YRDC: variants seen among roughly 807,000 people sequenced by gnomAD.
YRDC encodes yrdC N6-threonylcarbamoyltransferase domain containing.
A neutral mutation model predicts 21.5 loss-of-function variants in YRDC; 17 were observed. The ratio of observed to expected loss-of-function variants is 0.79; its 90% CI spans 0.54 to 1.19. The LOEUF is 1.19. Ranked by LOEUF, YRDC falls within the 50% of genes most tolerant of loss-of-function variation. YRDC has a pLI of 0.00. For missense variants in YRDC, 380 were observed against 397.1 expected (o/e 0.96, Z 0.37); for synonymous variants, 193 against 176.7 (o/e 1.09, Z -0.73).
chr1:37,803,846 A>T lies in YRDC; in HGVS notation c.*79T>A. On this transcript the variant is annotated 3_prime_UTR_variant, in exon 5 of 5. Transcript: ENST00000373044. Reference sequence around the variant, plus strand: ...TGCCCTAGCTCCGGTGGCCTCTGCAAATGAGGCCTTGACAGTCGTCAGTGG... The same window carrying T: ...TGCCCTAGCTCCGGTGGCCTCTGCATATGAGGCCTTGACAGTCGTCAGTGG... The T allele has an allele frequency of 6.5e-7, 1 of 1,527,732 alleles. No homozygotes were observed. Among genetic ancestry groups the T allele is most frequent in the Non-Finnish European group, 9.0e-7 (1 of 1,107,714 alleles). 94.6% of individuals were successfully genotyped at this position (1,527,732 alleles called of 1,614,324 possible).
intron 4 of YRDC, 127 bp from the exon 5 acceptor site, chr1:37,804,124 C>G (rs983231593): frequency 7.0e-7 from 1 of 1,419,376 alleles, no homozygotes; most frequent in African/African-American, 1.4e-5. Context: ...CTTGATGAAA[C>G]CTTTTGAATC....
At position 37,806,801 on chromosome 1, in the gene YRDC, C is replaced by T. The variant is rs112626581; in HGVS notation, c.624+56G>A. ...GTGTACTATCAATGCCACTGATTCA[C>T]AGAAAACAGTATGTGCGCTGGTGAC... On this transcript the variant is annotated intron_variant, in intron 3 of 4. Transcript: ENST00000373044. 260 of 1,611,102 alleles carry T rather than the reference C, an allele frequency of 1.6e-4. 1 individual carries two copies. The African/African-American group carries it at 3.0e-3, about 19-fold the overall frequency.
chr1:37,807,915 G>T lies in YRDC; in HGVS notation c.266C>A (p.Thr89Lys), dbSNP rs1215012267. Reference sequence around the variant, plus strand: ...CGCCGCGCAGGCCAGGCCGTACAGCGTATCGGTGGGGACGGCCACCACGGC... The same window carrying T: ...CGCCGCGCAGGCCAGGCCGTACAGCTTATCGGTGGGGACGGCCACCACGGC... ...AGAVVAVPTD[T>K]LYGLACAASC... is the part of the protein sequence containing the mutation. Residue 89 changes from threonine to lysine, a missense_variant, in exon 1 of 5, where the codon ACG becomes AAG. By Grantham distance (78) the Thr-to-Lys change is moderately conservative. This residue lies in a region of YRDC where 51 missense variants were observed against 95.9 expected (regional missense o/e 0.53). Coordinates refer to ENST00000373044, the MANE Select transcript of YRDC (RefSeq NM_024640.4). 7.7e-7 allele frequency: 1 copy of T among 1,301,228 alleles called. No homozygotes were observed. Among genetic ancestry groups the T allele is most frequent in the African/African-American group, 1.5e-5 (1 of 65,538 alleles). The allele number at this position is 1,301,228 out of a possible 1,614,324, so 80.6% of individuals were successfully genotyped here.
rs1557577926 is a variant in YRDC at position 37,804,422 on chromosome 1, T to C, written c.647A>G (p.Gln216Arg). The change falls in exon 4 of 5, where the codon CAG (glutamine) becomes CGG (arginine). Residue 216 changes from glutamine (Q) to arginine (R), a missense_variant. Coordinates refer to ENST00000373044, the MANE Select transcript of YRDC (RefSeq NM_024640.4). ...NVEEFQDLWP[Q>R]LSLVIDGGQI... ...TCCCCCATCAATAACCAAGGACAACTGAGGCCAGAGATCCTGGAACTCCTG... is the reference window on the plus strand; with the variant it reads ...TCCCCCATCAATAACCAAGGACAACCGAGGCCAGAGATCCTGGAACTCCTG... 6.2e-6 allele frequency: 10 copies of C among 1,613,442 alleles called. No individual in the cohort carries two copies. In the East Asian group the frequency reaches 1.3e-4, roughly 22 times the overall value.
chr1:37,804,240 C>T (rs1646720720), intron 4 of YRDC, 62 bp downstream of exon 4: 3 of 1,572,992 alleles, frequency 1.9e-6, no homozygotes, highest in Non-Finnish European at 2.6e-6. Context: ...CTTGTCAAAG[C>T]TTTTTTGCAT....
rs1411642799 is a variant in YRDC, at chr1:37,803,214, T to C, written c.*711A>G. The C allele has an allele frequency of 6.6e-6, 1 of 152,158 alleles. No individual in the cohort carries two copies. The highest frequency in any genetic ancestry group is 1.9e-4 in the East Asian group (1 of 5,202). 9.4% of individuals were successfully genotyped at this position (152,158 alleles called of 1,614,324 possible). The stretch of plus-strand genomic sequence containing the variant: ...TGAACCCCTGCCAACTAAGCAGACA[T>C]CCCACTATTACACCAAAAAGACTGC... On this transcript the variant is annotated 3_prime_UTR_variant, in exon 5 of 5. Coordinates refer to ENST00000373044, the MANE Select transcript of YRDC (RefSeq NM_024640.4).
intron 1 of YRDC, 111 bp from the exon 2 acceptor site, chr1:37,807,326 C>A: frequency 9.8e-7 from 1 of 1,019,228 alleles, no homozygotes; most frequent in South Asian, 1.4e-5. Context: ...CAATGGGAGC[C>A]GCCTGTCTCC....
chr1:37,807,885 C>T lies in YRDC; in HGVS notation c.296G>A (p.Cys99Tyr), dbSNP rs964436323. The stretch of plus-strand genomic sequence containing the variant: ...GTACACAGCGCGCAGAGCCGCCGAG[C>T]AGCTCGCCGCGCAGGCCAGGCCGTA... ...TLYGLACAAS[C>Y]SAALRAVYRL... The change falls in exon 1 of 5, where the codon TGC becomes TAC. Residue 99 changes from cysteine to tyrosine, a missense_variant. Physicochemically the swap from Cys to Tyr is radical, Grantham distance 194 (BLOSUM62 -2). Transcript: ENST00000373044. 6.9e-7 allele frequency: 1 copy of T among 1,455,204 alleles called. No individual in the cohort carries two copies. The highest frequency in any genetic ancestry group is 9.1e-7 in the Non-Finnish European group (1 of 1,101,650). The allele number at this position is 1,455,204 out of a possible 1,614,324, so 90.1% of individuals were successfully genotyped here. A position where few individuals can be genotyped will look rare whatever the true frequency, so the allele number is the denominator to read the frequency against.
In YRDC at chr1:37,807,084, G is replaced by C; in HGVS notation, c.504+17C>G. The C allele has an allele frequency of 1.9e-6, 3 of 1,614,118 alleles. No individual in the cohort carries two copies. The highest frequency in any genetic ancestry group is 2.5e-6 in the Non-Finnish European group (3 of 1,179,976). ...AGTGGCCTGGAGTCTGGGGACACAA[G>C]AGAAAACTTGACTCACAGGCGTAAA... On this transcript the variant is annotated intron_variant, in intron 2 of 4. Coordinates refer to ENST00000373044, the MANE Select transcript of YRDC (RefSeq NM_024640.4).
intron 4 of YRDC, 29 bp from the exon 5 acceptor site, chr1:37,804,026 C>T: frequency 6.2e-7 from 1 of 1,613,608 alleles, no homozygotes; most frequent in South Asian, 1.1e-5. Flanking sequence ...AGTTACCAGT[C>T]TGACTTCTCA....
chr1:37,805,779 G>C (rs1055160617), intron 3 of YRDC, among the ~76,000 whole-genome samples: 18 of 152,142 alleles, frequency 1.2e-4, no homozygotes, highest in African/African-American at 4.1e-4. Flanking sequence ...CCATCGAATG[G>C]AGTTCTGAGC....
chr1:37,803,738 C>G lies in YRDC; in HGVS notation c.*187G>C. On this transcript the variant is annotated 3_prime_UTR_variant, in exon 5 of 5. Transcript: ENST00000373044. Reference sequence around the variant, plus strand: ...AAAATACAAATAAATACATCCTTTCCCCAGGTGCAAGGCTAAACCAGCAGC... The same window carrying G: ...AAAATACAAATAAATACATCCTTTCGCCAGGTGCAAGGCTAAACCAGCAGC... 1 of 549,376 alleles carries G rather than the reference C, an allele frequency of 1.8e-6. No individual in the cohort carries two copies. The allele number at this position is 549,376 out of a possible 1,614,324, so 34.0% of individuals were successfully genotyped here.
Position 37,803,812 on chromosome 1 carries a change from T to G in YRDC, c.*113A>C, listed in dbSNP as rs1327602565. 5.1e-6 allele frequency: 6 copies of G among 1,173,896 alleles called. No homozygotes were observed. The highest frequency in any genetic ancestry group is 3.0e-5 in the African/African-American group (2 of 66,082). The allele number at this position is 1,173,896 out of a possible 1,614,324, so 72.7% of individuals were successfully genotyped here. A position where few individuals can be genotyped will look rare whatever the true frequency, so the allele number is the denominator to read the frequency against. On this transcript the variant is annotated 3_prime_UTR_variant, in exon 5 of 5. Transcript: ENST00000373044. ...TCAGAAAGACACACTGCCTTAAAAGTCAGGCTAGTGCCCTAGCTCCGGTGG... is the reference window on the plus strand; with the variant it reads ...TCAGAAAGACACACTGCCTTAAAAGGCAGGCTAGTGCCCTAGCTCCGGTGG...
chr1:37,807,790 A>G lies in YRDC; in HGVS notation c.389+2T>C. 1 of 1,507,616 alleles carries G rather than the reference A, an allele frequency of 6.6e-7. No homozygotes were observed. The highest frequency in any genetic ancestry group is 8.8e-7 in the Non-Finnish European group (1 of 1,132,432). The allele number at this position is 1,507,616 out of a possible 1,614,324, so 93.4% of individuals were successfully genotyped here. A position where few individuals can be genotyped will look rare whatever the true frequency, so the allele number is the denominator to read the frequency against. On this transcript the variant is annotated splice_donor_variant, in intron 1 of 4. Coordinates refer to ENST00000373044, the MANE Select transcript of YRDC (RefSeq NM_024640.4). LOFTEE classifies it high-confidence loss of function. ...AGCGGGGCCGGGTCGGGGCGGCCTT[A>G]CCTGTAGACGTCGGCCACGCGGCCG...
Position 37,807,158 on chromosome 1 carries a change from C to T in YRDC, c.447G>A (p.Val149=). 22 of 1,614,124 alleles carry T rather than the reference C, an allele frequency of 1.4e-5. No individual in the cohort carries two copies. The highest frequency in any genetic ancestry group is 1.9e-5 in the Non-Finnish European group (22 of 1,180,024). The change falls in exon 2 of 5, where the codon GTG becomes GTA. Residue 149 remains valine, a synonymous_variant. Coordinates refer to ENST00000373044, the MANE Select transcript of YRDC (RefSeq NM_024640.4). ...GLLKDLLPGP[V]TLVMERSEEL... The stretch of plus-strand genomic sequence containing the variant: ...CCTCCGAGCGTTCCATCACCAGGGT[C>T]ACTGGTCCTGGCAGTAGGTCTTTCA...
chr1:37,807,264 T>C (rs764050553), intron 1 of YRDC, 49 bp from the exon 2 acceptor site: 56 of 1,548,650 alleles, frequency 3.6e-5, no homozygotes, highest in Non-Finnish European at 3.5e-5. Flanking sequence ...GGGCCACTGG[T>C]GGTCCTTTCC....
chr1:37,803,744 T>C lies in YRDC; in HGVS notation c.*181A>G. 1 of 569,022 alleles carries C rather than the reference T, an allele frequency of 1.8e-6. No homozygotes were observed. Among genetic ancestry groups the C allele is most frequent in the East Asian group, 2.9e-5 (1 of 34,964 alleles). The allele number at this position is 569,022 out of a possible 1,614,324, so 35.2% of individuals were successfully genotyped here. ...CAAATAAATACATCCTTTCCCCAGG[T>C]GCAAGGCTAAACCAGCAGCTCCAAG... On this transcript the variant is annotated 3_prime_UTR_variant, in exon 5 of 5. Transcript: ENST00000373044.
At chr1:37,805,467 G>T (rs1209325489) in intron 3 of YRDC, among the ~76,000 whole-genome samples, 1 of 152,150 alleles carries the variant, frequency 6.6e-6, no homozygotes, top group Non-Finnish European at 1.5e-5. Flanking sequence ...ACTCCCCCTA[G>T]AGCAGTGGAC....
chr1:37,807,885 C>A lies in YRDC; in HGVS notation c.296G>T (p.Cys99Phe). The A allele has an allele frequency of 1.4e-6, 2 of 1,455,206 alleles. No individual in the cohort carries two copies. The highest frequency in any genetic ancestry group is 2.9e-5 in the East Asian group (1 of 34,040). 90.1% of individuals were successfully genotyped at this position (1,455,206 alleles called of 1,614,324 possible). The change falls in exon 1 of 5, where the codon TGC becomes TTC. Residue 99 changes from cysteine to phenylalanine, a missense_variant. Transcript: ENST00000373044. ...GTACACAGCGCGCAGAGCCGCCGAG[C>A]AGCTCGCCGCGCAGGCCAGGCCGTA... ...TLYGLACAAS[C>F]SAALRAVYRL...
Sources: allele counts gnomAD v4.1 joint callset (sites outside exome capture counted in the v4.1 genomes callset), GRCh38; gene constraint gnomAD v4.1.1; regional missense constraint gnomAD v4.1.1; transcripts MANE v1.5; gene names NCBI Gene and HGNC (gene_info 2026-07-23, HGNC 2026-07-21).